AGBL4: variants seen among roughly 807,000 people sequenced by gnomAD.
AGBL4 encodes AGBL carboxypeptidase 4.
Under a neutral mutation model 66.4 loss-of-function variants are expected in AGBL4, and 58 were observed. The observed-to-expected ratio is 0.87, with a 90% CI of 0.71 to 1.09. The LOEUF (loss-of-function observed/expected upper bound fraction) is 1.09, where lower values mean the gene tolerates loss of function less well. AGBL4 is among the 50% of genes least tolerant of loss of function. The probability of loss-of-function intolerance (pLI) is 0.00; values close to 1 mark genes in which losing one functional copy is unlikely to be tolerated. For missense variants in AGBL4, 579 were observed against 631.0 expected, an observed-to-expected ratio of 0.92 and a Z score of 0.88; for synonymous variants, 234 against 222.9, an observed-to-expected ratio of 1.05 and a Z score of -0.44.
chr1:48,937,641 A>G (rs192437875), intron 5 of AGBL4, among the ~76,000 whole-genome samples: 1 of 152,194 alleles, frequency 6.6e-6, no homozygotes, highest in South Asian at 2.1e-4. Context: ...TAATCAATAA[A>G]TCACTTTTGA....
intron 3 of AGBL4, among the ~76,000 whole-genome samples, chr1:49,428,506 A>G (rs945402019): frequency 1.3e-5 from 2 of 152,232 alleles, no homozygotes; most frequent in Non-Finnish European, 2.9e-5. Context: ...TGTGAATAAT[A>G]GCAGCAGAGG....
chr1:49,335,675 C>T (rs1243096867), intron 3 of AGBL4, among the ~76,000 whole-genome samples: 1 of 152,064 alleles, frequency 6.6e-6, no homozygotes, highest in Admixed American at 6.5e-5. Context: ...GCCACCACAC[C>T]CGGCTAATTT....
At chr1:48,712,825 TA>T (rs1646989372) in intron 6 of AGBL4, among the ~76,000 whole-genome samples, 1 of 152,184 alleles carries the variant, frequency 6.6e-6, no homozygotes, top group South Asian at 2.1e-4. Context: ...TCAATCCAAT[TA>T]CATAGTTGTG....
chr1:49,906,865 T>C lies in AGBL4; in HGVS notation c.35-55347A>G, dbSNP rs116185586. On this transcript the variant is annotated intron_variant, in intron 1 of 13. Transcript: ENST00000371839. Reference sequence around the variant, plus strand: ...CAAAAAGAGCCTGCCAGGAACTATTTCACTCTGTATGAAATTCTGGTCTTG... The same window carrying C: ...CAAAAAGAGCCTGCCAGGAACTATTCCACTCTGTATGAAATTCTGGTCTTG... Among the ~76,000 whole-genome samples the C allele has an allele frequency of 8.0e-3, 1,217 of 152,218 alleles. 9 individuals are homozygous for C. Among genetic ancestry groups the C allele is most frequent in the Middle Eastern group, 0.031 (9 of 294 alleles).
At chr1:49,999,958 CA>C (rs1188289025) in intron 1 of AGBL4, among the ~76,000 whole-genome samples, 2 of 152,040 alleles carry the variant, frequency 1.3e-5, no homozygotes, top group African/African-American at 2.4e-5. Context: ...GACCTAAAAC[CA>C]TAAAAATTCT....
At chr1:49,371,947 T>C (rs1483463328) in intron 3 of AGBL4, among the ~76,000 whole-genome samples, 2 of 152,022 alleles carry the variant, frequency 1.3e-5, no homozygotes, top group Non-Finnish European at 2.9e-5. Flanking sequence ...GTTCCTTACA[T>C]ATTTCTTTCT....
chr1:49,275,269 C>T (rs918725564), intron 3 of AGBL4, among the ~76,000 whole-genome samples: 2 of 152,066 alleles, frequency 1.3e-5, no homozygotes, highest in South Asian at 2.1e-4. Context: ...GGTTCTAGAC[C>T]TGTGGAAAAT....
At chr1:49,351,225 G>A (rs1643899957) in intron 3 of AGBL4, among the ~76,000 whole-genome samples, 1 of 152,094 alleles carries the variant, frequency 6.6e-6, no homozygotes, top group Admixed American at 6.6e-5. Flanking sequence ...AACTGAGTGG[G>A]GTAAACAGTG....
At chr1:49,108,273 G>T (rs1645337118) in intron 4 of AGBL4, among the ~76,000 whole-genome samples, 1 of 152,114 alleles carries the variant, frequency 6.6e-6, no homozygotes, top group Non-Finnish European at 1.5e-5. Context: ...TCCATTATGT[G>T]TTAGCCACTA....
At chr1:49,743,356 C>T (rs547234427) in intron 2 of AGBL4, among the ~76,000 whole-genome samples, 17 of 152,270 alleles carry the variant, frequency 1.1e-4, no homozygotes, top group Admixed American at 2.0e-4. Context: ...CAATGAGATA[C>T]CATCTCACAC....
At chr1:49,071,804 AT>A (rs1208623988) in intron 4 of AGBL4, among the ~76,000 whole-genome samples, 1 of 151,044 alleles carries the variant, frequency 6.6e-6, no homozygotes, top group Non-Finnish European at 1.5e-5. Flanking sequence ...ATCCTTGTGA[AT>A]TTTTTGTCTT....
At chr1:49,933,431 GC>G (rs1228708948) in intron 1 of AGBL4, among the ~76,000 whole-genome samples, 1 of 151,944 alleles carries the variant, frequency 6.6e-6, no homozygotes, top group Admixed American at 6.6e-5. Flanking sequence ...ATGAAAAGGT[GC>G]TAAACAGCAA....
At chr1:48,771,899 G>A (rs1271108889) in intron 6 of AGBL4, among the ~76,000 whole-genome samples, 1 of 152,208 alleles carries the variant, frequency 6.6e-6, no homozygotes, top group African/African-American at 2.4e-5. Flanking sequence ...GCTAGTTGAG[G>A]GAGTGATAAA....
rs376328596 is a variant in AGBL4 at position 49,360,925 on chromosome 1, T to C, written c.283-115061A>G. ...AATTCTCCTGTTTCTGCTTCCCAAA[T>C]AGCTGGGATTACAGGCACCTGCCAC... On this transcript the variant is annotated intron_variant, in intron 3 of 13. Transcript: ENST00000371839. 5.9e-5 allele frequency among the ~76,000 whole-genome samples: 9 copies of C among 151,978 alleles called. No individual in the cohort carries two copies. In the East Asian group the frequency reaches 7.8e-4, roughly 13 times the overall value.
chr1:48,910,275 G>A (rs149577429), intron 5 of AGBL4, among the ~76,000 whole-genome samples: 66 of 152,282 alleles, frequency 4.3e-4, no homozygotes, highest in African/African-American at 1.4e-3. Flanking sequence ...CGTGAAATGC[G>A]ACTGAACCAT....
At chr1:49,908,999 A>C (rs982703966) in intron 1 of AGBL4, among the ~76,000 whole-genome samples, 1 of 152,138 alleles carries the variant, frequency 6.6e-6, no homozygotes, top group Non-Finnish European at 1.5e-5. Flanking sequence ...TCTAAGAGAC[A>C]ATAGGGCATA....
In AGBL4 at chr1:49,775,870, G is replaced by A. The variant is rs1342531526; in HGVS notation, c.157+75526C>T. Among the ~76,000 whole-genome samples, 3 of 152,012 alleles carry A rather than the reference G, an allele frequency of 2.0e-5. No homozygotes were observed. In the East Asian group the frequency reaches 5.8e-4, roughly 29 times the overall value. ...AAAGTAAAAGATTTATTATTATAGT[G>A]GTAAAATTGTGAGCTTTAGAGTCAG... On this transcript the variant is annotated intron_variant, in intron 2 of 13. Transcript: ENST00000371839.
At chr1:49,855,301 C>T (rs548563137) in intron 1 of AGBL4, among the ~76,000 whole-genome samples, 118 of 152,162 alleles carry the variant, frequency 7.8e-4, no homozygotes, top group Non-Finnish European at 1.4e-3. Context: ...AAATAAACCC[C>T]AATACAATCA....
At chr1:48,635,039 C>A (rs558271385) in intron 8 of AGBL4, among the ~76,000 whole-genome samples, 1 of 152,194 alleles carries the variant, frequency 6.6e-6, no homozygotes, top group African/African-American at 2.4e-5. Context: ...TAACCCAACA[C>A]CTTTTTACCA....
Sources: allele counts gnomAD v4.1 joint callset (sites outside exome capture counted in the v4.1 genomes callset), GRCh38; gene constraint gnomAD v4.1.1; transcripts MANE v1.5; gene names NCBI Gene and HGNC (gene_info 2026-07-23, HGNC 2026-07-21).